Variants in CAMSAP2 observed in about 807,000 individuals in gnomAD.
The protein encoded by CAMSAP2 is calmodulin-regulated spectrin-associated protein 2.
CAMSAP2 carries 26 observed loss-of-function variants against 146.1 expected under a neutral mutation model. That is an observed-to-expected ratio of 0.18 (90% CI 0.13 to 0.25). The LOEUF (loss-of-function observed/expected upper bound fraction) is 0.25, where lower values mean the gene tolerates loss of function less well. Among genes scored for constraint, CAMSAP2 ranks in the 10% least tolerant of loss-of-function variants. CAMSAP2 has a pLI of 1.00. For synonymous variants in CAMSAP2, 499 were observed against 596.6 expected, an observed-to-expected ratio of 0.84 and a Z score of 2.38; for missense variants, 1,381 against 1,759.3, an observed-to-expected ratio of 0.78 and a Z score of 3.85.
At chr1:200,744,876 G>A (rs1664277325) in intron 1 of CAMSAP2, among the ~76,000 whole-genome samples, 1 of 152,096 alleles carries the variant, frequency 6.6e-6, no homozygotes, top group Non-Finnish European at 1.5e-5. Context: ...TAATGAAGCA[G>A]TGAGAGAGCC....
chr1:200,755,302 A>G (rs896650331), intron 1 of CAMSAP2, among the ~76,000 whole-genome samples: 20 of 152,252 alleles, frequency 1.3e-4, no homozygotes, highest in Admixed American at 7.2e-4. Flanking sequence ...TGCTATCCAT[A>G]TAAATAAAGA....
At chr1:200,780,104 G>A (rs1244487691) in intron 2 of CAMSAP2, among the ~76,000 whole-genome samples, 4 of 152,020 alleles carry the variant, frequency 2.6e-5, no homozygotes, top group Admixed American at 6.6e-5. Flanking sequence ...GCCTGAAAAC[G>A]CAAGGAAACT....
At position 200,858,230 on chromosome 1, in the gene CAMSAP2, A is replaced by G. The variant is rs968260493; in HGVS notation, c.*171A>G. On this transcript the variant is annotated 3_prime_UTR_variant, in exon 17 of 17. Transcript: ENST00000358823. Reference sequence around the variant, plus strand: ...AAACCACAGTATTTTGGAGTGCAGAACATTCTCAATTAAGTGATAAGTCCA... The same window carrying G: ...AAACCACAGTATTTTGGAGTGCAGAGCATTCTCAATTAAGTGATAAGTCCA... 1 of 533,524 alleles carries G rather than the reference A, an allele frequency of 1.9e-6. No individual in the cohort carries two copies. Among genetic ancestry groups the G allele is most frequent in the African/African-American group, 1.9e-5 (1 of 51,588 alleles). The allele number at this position is 533,524 out of a possible 1,614,324, so 33.0% of individuals were successfully genotyped here.
At position 200,849,984 on chromosome 1, in the gene CAMSAP2, T is replaced by G. The variant is rs762316681; in HGVS notation, c.3215T>G (p.Val1072Gly). ...CCTTTTGAGTCAACAGTCTCTGAAG[T>G]CCTATCACTGCCTGTCACAGAGACT... is the stretch of plus-strand genomic sequence containing the variant. ...IKPFESTVSE[V>G]LSLPVTETVC... is the part of the protein sequence containing the mutation. Residue 1072 changes from valine (V) to glycine (G), a missense_variant, in exon 11 of 17, where the codon GTC becomes GGC. This residue lies in a region of CAMSAP2 where 560 missense variants were observed against 715.9 expected (regional missense o/e 0.78). Coordinates refer to ENST00000358823, the MANE Select transcript of CAMSAP2 (RefSeq NM_203459.4). This position sits in a 1 kb window ranked among gnomAD's most constrained non-coding sequence, Gnocchi z 6.3. 6.2e-7 allele frequency: 1 copy of G among 1,614,046 alleles called. No homozygotes were observed. The highest frequency in any genetic ancestry group is 8.5e-7 in the Non-Finnish European group (1 of 1,180,004).
chr1:200,751,394 G>C (rs896934277), intron 1 of CAMSAP2, among the ~76,000 whole-genome samples: 1 of 151,744 alleles, frequency 6.6e-6, no homozygotes, highest in Non-Finnish European at 1.5e-5. Flanking sequence ...ATTTTAGCTG[G>C]GTGTGGTGGT....
Position 200,849,485 on chromosome 1 carries a change from G to A in CAMSAP2, c.2716G>A (p.Glu906Lys). ...AATGCAACGCTTGTCACTTCAGCAG[G>A]AGATGTTAATGCAGATGAGAGAGCA... ...QEMQRLSLQQEMLMQMREQQS... is the reference protein window; with the variant it reads ...QEMQRLSLQQKMLMQMREQQS... The change falls in exon 11 of 17, where the codon GAG becomes AAG. Residue 906 changes from glutamate to lysine, a missense_variant. Around this residue, in one of 4 missense-constraint regions of CAMSAP2, gnomAD observed 560 missense variants for 715.9 expected, o/e 0.78. Transcript: ENST00000358823. The surrounding 1 kb of genome is among the most constrained non-coding windows in gnomAD (Gnocchi z 6.3). The A allele has an allele frequency of 6.2e-7, 1 of 1,614,162 alleles. No homozygotes were observed. The highest frequency in any genetic ancestry group is 8.5e-7 in the Non-Finnish European group (1 of 1,180,032).
rs762025103 is a variant in CAMSAP2, at chr1:200,849,198, A to G, written c.2429A>G (p.Asp810Gly). Reference sequence around the variant, plus strand: ...CGAGAGGAAGCGGCGGGTGCAGAAGATGAGAAAGTATATACTGATCGAGCA... The same window carrying G: ...CGAGAGGAAGCGGCGGGTGCAGAAGGTGAGAAAGTATATACTGATCGAGCA... ...PLREEAAGAE[D>G]EKVYTDRAKE... Residue 810 changes from aspartate (D) to glycine (G), a missense_variant, in exon 11 of 17, where the codon GAT becomes GGT. Around this residue, in one of 4 missense-constraint regions of CAMSAP2, gnomAD observed 560 missense variants for 715.9 expected, o/e 0.78. Transcript: ENST00000358823. This position sits in a 1 kb window ranked among gnomAD's most constrained non-coding sequence, Gnocchi z 6.3. 6.2e-7 allele frequency: 1 copy of G among 1,613,828 alleles called. No individual in the cohort carries two copies. The highest frequency in any genetic ancestry group is 8.5e-7 in the Non-Finnish European group (1 of 1,179,998).
intron 11 of CAMSAP2, among the ~76,000 whole-genome samples, chr1:200,851,671 T>G (rs919547233): frequency 6.6e-6 from 1 of 152,226 alleles, no homozygotes; most frequent in African/African-American, 2.4e-5. Flanking sequence ...GCCTGTTGTT[T>G]GTACCTCTTC....
rs1033347255 is a variant in CAMSAP2, at chr1:200,850,370, A to G, written c.3465+136A>G. Reference sequence around the variant, plus strand: ...TGATACAAGTTCATCCCCATTAACTATAGTAACATTCAAGCACACTGTGGT... The same window carrying G: ...TGATACAAGTTCATCCCCATTAACTGTAGTAACATTCAAGCACACTGTGGT... On this transcript the variant is annotated intron_variant, in intron 11 of 16. Coordinates refer to ENST00000358823, the MANE Select transcript of CAMSAP2 (RefSeq NM_203459.4). 3.0e-5 allele frequency: 21 copies of G among 701,606 alleles called. No homozygotes were observed. The South Asian group carries it at 3.7e-4, about 12-fold the overall frequency. 43.5% of individuals were successfully genotyped at this position (701,606 alleles called of 1,614,324 possible).
chr1:200,804,834 C>T (rs1046160888), intron 2 of CAMSAP2, among the ~76,000 whole-genome samples: 4 of 151,960 alleles, frequency 2.6e-5, no homozygotes, highest in African/African-American at 9.7e-5. Flanking sequence ...ATTATTGATC[C>T]TACTTTTTCT....
In CAMSAP2 at chr1:200,857,346, G is replaced by C; in HGVS notation, c.4053G>C (p.Lys1351Asn). 6.2e-7 allele frequency: 1 copy of C among 1,613,568 alleles called. No homozygotes were observed. The highest frequency in any genetic ancestry group is 8.5e-7 in the Non-Finnish European group (1 of 1,179,728). The part of the protein sequence containing the change: ...LYKEPSAKSN[K>N]HIIQNALAHC... ...AAGAACCCAGTGCAAAATCCAATAA[G>C]CACATAATACAAAATGCTTTAGCTC... Residue 1351 changes from lysine to asparagine, a missense_variant, in exon 16 of 17, where the codon AAG (lysine) becomes AAC (asparagine). By Grantham distance (94) the Lys-to-Asn change is moderately conservative (BLOSUM62 0). Around this residue, in one of 4 missense-constraint regions of CAMSAP2, gnomAD observed 90 missense variants for 174.4 expected, o/e 0.52. Coordinates refer to ENST00000358823, the MANE Select transcript of CAMSAP2 (RefSeq NM_203459.4). This position sits in a 1 kb window ranked among gnomAD's most constrained non-coding sequence, Gnocchi z 4.7.
At chr1:200,742,784 G>T (rs1189047767) in intron 1 of CAMSAP2, among the ~76,000 whole-genome samples, 1 of 151,874 alleles carries the variant, frequency 6.6e-6, no homozygotes, top group Non-Finnish European at 1.5e-5. Context: ...ATAACCATAT[G>T]TTGTAAAAGT....
In CAMSAP2 at chr1:200,847,262, T is replaced by C; in HGVS notation, c.1162T>C (p.Ser388Pro). ...TCATCATCATTTGCCTTCTAGGTAT[T>C]CACGTCCCCAGGCTCATTCTTCAGC... ...QSHHHLPSRY[S>P]RPQAHSSASG... is the part of the protein sequence containing the mutation. Residue 388 changes from serine (S) to proline (P), a missense_variant, in exon 9 of 17, where the codon TCA (serine) becomes CCA (proline). Physicochemically the swap from Ser to Pro is moderately conservative, Grantham distance 74. Around this residue, in one of 4 missense-constraint regions of CAMSAP2, gnomAD observed 447 missense variants for 462.2 expected, o/e 0.97. Coordinates refer to ENST00000358823, the MANE Select transcript of CAMSAP2 (RefSeq NM_203459.4). The C allele has an allele frequency of 1.9e-6, 3 of 1,612,536 alleles. No homozygotes were observed. The highest frequency in any genetic ancestry group is 2.5e-6 in the Non-Finnish European group (3 of 1,179,234).
chr1:200,835,016 A>G (rs1159504350), intron 6 of CAMSAP2, among the ~76,000 whole-genome samples: 1 of 152,238 alleles, frequency 6.6e-6, no homozygotes, highest in Non-Finnish European at 1.5e-5. Context: ...TGCTGTTGTT[A>G]AAAACATGGT....
chr1:200,814,771 G>C (rs1369323001), intron 3 of CAMSAP2, among the ~76,000 whole-genome samples: 1 of 152,012 alleles, frequency 6.6e-6, no homozygotes, highest in Non-Finnish European at 1.5e-5. Context: ...GGAAGAAAAG[G>C]GAATTCTTAG....
Position 200,853,824 on chromosome 1 carries a change from T to A in CAMSAP2, c.3823+329T>A, listed in dbSNP as rs1667684306. ...TAAATTTAAATAAATGTTATATGCA[T>A]GAAATGTACAAGAAACATGTTGGTA... On this transcript the variant is annotated intron_variant, in intron 13 of 16. Transcript: ENST00000358823. The surrounding 1 kb of genome is among the most constrained non-coding windows in gnomAD (Gnocchi z 5.1). Among the ~76,000 whole-genome samples the A allele has an allele frequency of 6.6e-6, 1 of 152,180 alleles. No individual in the cohort carries two copies.
chr1:200,821,303 C>G (rs1448815847), intron 4 of CAMSAP2, among the ~76,000 whole-genome samples: 1 of 151,980 alleles, frequency 6.6e-6, no homozygotes, highest in Admixed American at 6.6e-5. Context: ...CCACCTCAGC[C>G]TCCCAACTAC....
chr1:200,774,222 G>T (rs548369846), intron 2 of CAMSAP2, among the ~76,000 whole-genome samples: 2 of 152,068 alleles, frequency 1.3e-5, no homozygotes, highest in South Asian at 4.1e-4. Flanking sequence ...AATAAAATAG[G>T]TGGTCATTAA....
intron 1 of CAMSAP2, among the ~76,000 whole-genome samples, chr1:200,744,215 G>A (rs1368575675): frequency 1.3e-5 from 2 of 152,096 alleles, no homozygotes; most frequent in East Asian, 1.9e-4. Context: ...TGTTCTCTAT[G>A]GGTAGAAGTC....
Sources: gnomAD v4.1 joint callset for allele counts (sites outside exome capture counted in the v4.1 genomes callset) on GRCh38, gnomAD v4.1.1 for gene constraint, gnomAD v4.1.1 regional missense constraint, Gnocchi (gnomAD v3.1) non-coding constraint, MANE v1.5 for transcripts, NCBI Gene and HGNC (gene_info 2026-07-23, HGNC 2026-07-21) for gene names.